DGKB: variants seen among roughly 807,000 people sequenced by gnomAD.
The protein encoded by DGKB is 90 kDa diacylglycerol kinase.
In DGKB, 67 loss-of-function variants were observed where a neutral mutation model predicts 114.3. That is an observed-to-expected ratio of 0.59 (90% CI 0.48 to 0.72). The LOEUF is 0.72. DGKB is among the 30% of genes least tolerant of loss of function. The pLI, the probability that DGKB is intolerant of heterozygous loss-of-function variation, is 0.00. For synonymous variants in DGKB, 398 were observed against 323.1 expected (o/e 1.23, Z -2.49); for missense variants, 907 against 975.2 (o/e 0.93, Z 0.93).
intron 22 of DGKB, among the ~76,000 whole-genome samples, chr7:14,340,762 C>G (rs1366239999): frequency 1.3e-5 from 2 of 151,718 alleles, no homozygotes; most frequent in African/African-American, 4.8e-5. Context: ...GGTCTGGCTT[C>G]CCCCAAACTG....
chr7:14,298,514 T>TAA (rs985789347), intron 23 of DGKB, among the ~76,000 whole-genome samples: 2 of 152,112 alleles, frequency 1.3e-5, no homozygotes, highest in East Asian at 3.9e-4. Context: ...CGCAGAAAAC[T>TAA]GAAACTGGAC....
chr7:14,231,620 A>ATG (rs1196372104), intron 23 of DGKB, among the ~76,000 whole-genome samples: 1 of 151,716 alleles, frequency 6.6e-6, no homozygotes, highest in Non-Finnish European at 1.5e-5. Flanking sequence ...AATTGCACAT[A>ATG]TGTGTGTGTG....
intron 13 of DGKB, among the ~76,000 whole-genome samples, chr7:14,632,401 T>TAC (rs1809895244): frequency 1.3e-5 from 2 of 151,552 alleles, no homozygotes; most frequent in South Asian, 4.1e-4. Context: ...TATATATATA[T>TAC]ACACATACAT....
rs566554701 is a variant in DGKB at position 14,160,136 on chromosome 7, T to G, written c.2305-10898A>C. Among the ~76,000 whole-genome samples the G allele has an allele frequency of 5.9e-5, 9 of 152,238 alleles. No homozygotes were observed. The South Asian group carries it at 1.9e-3, about 32-fold the overall frequency. ...GTCTTTGAGTTTTTCAAAATAATAA[T>G]AGCTATTTATGACAAACCCACAGCC... On this transcript the variant is annotated intron_variant, in intron 25 of 25. Transcript: ENST00000402815.
intron 5 of DGKB, among the ~76,000 whole-genome samples, chr7:14,722,428 A>G (rs1218616387): frequency 6.6e-6 from 1 of 152,030 alleles, no homozygotes; most frequent in African/African-American, 2.4e-5. Context: ...CTGATAGCTC[A>G]TTTCTTTTTA....
At chr7:14,803,485 T>G (rs925240886) in intron 2 of DGKB, among the ~76,000 whole-genome samples, 1 of 152,160 alleles carries the variant, frequency 6.6e-6, no homozygotes, top group Non-Finnish European at 1.5e-5. Context: ...TCACCATTAT[T>G]TTACTTTTAC....
chr7:14,343,775 A>G (rs1222973560), intron 22 of DGKB, among the ~76,000 whole-genome samples: 2 of 150,996 alleles, frequency 1.3e-5, no homozygotes, highest in Non-Finnish European at 3.0e-5. Flanking sequence ...TTTTTTTAAA[A>G]AAATAATGAT....
rs561591890 is a variant in DGKB, at chr7:14,962,075, A to T, written c.-188+12621T>A. On this transcript the variant is annotated intron_variant, in intron 1 of 4. Coordinates refer to the DGKB transcript ENST00000437998. ...CACCAGCCATAAAACCGTTTGTCTA[A>T]AACTTTAAAAAAATTGTAACTTTGA... 2.4e-4 allele frequency among the ~76,000 whole-genome samples: 37 copies of T among 152,284 alleles called. 1 individual carries two copies. The highest frequency in any genetic ancestry group is 2.4e-3 in the Admixed American group (37 of 15,276).
At chr7:14,548,902 G>A (rs1320367301) in intron 20 of DGKB, among the ~76,000 whole-genome samples, 1 of 151,904 alleles carries the variant, frequency 6.6e-6, no homozygotes, top group African/African-American at 2.4e-5. Context: ...CAGTAGTGGG[G>A]ATTTGTGAAA....
intron 19 of DGKB, among the ~76,000 whole-genome samples, chr7:14,577,372 C>A (rs1443276018): frequency 6.6e-6 from 1 of 152,148 alleles, no homozygotes; most frequent in African/African-American, 2.4e-5. Context: ...AATCCCAGCA[C>A]TTTGGGAGGT....
rs772056310 is a variant in DGKB, at chr7:14,583,077, G to A, written c.1494C>T (p.Thr498=). 9.9e-6 allele frequency: 16 copies of A among 1,613,054 alleles called. No individual in the cohort carries two copies. In the South Asian group the frequency reaches 1.1e-4, roughly 11 times the overall value. The part of the protein sequence containing the change: ...FRVLACGGDG[T]VGWVLDCIEK... ...CTATGCAATCCAAAACCCAGCCCAC[G>A]GTTCCATCTCCACCACAGGCTAACA... The change falls in exon 18 of 26, where the codon ACC becomes ACT. Residue 498 remains threonine, a synonymous_variant. Coordinates refer to ENST00000402815, the MANE Select transcript of DGKB (RefSeq NM_001350709.2).
intron 13 of DGKB, among the ~76,000 whole-genome samples, chr7:14,659,897 A>C (rs1307550583): frequency 1.3e-5 from 2 of 151,870 alleles, no homozygotes; most frequent in Non-Finnish European, 2.9e-5. Context: ...ACTATTTTGA[A>C]ATACGTCCCA....
chr7:14,926,191 CA>C (rs1784742367), intron 1 of DGKB, among the ~76,000 whole-genome samples: 1 of 151,926 alleles, frequency 6.6e-6, no homozygotes, highest in Non-Finnish European at 1.5e-5. Context: ...ACATTTCATA[CA>C]TTTTTTTCAC....
chr7:14,889,831 G>C (rs1425439483), intron 1 of DGKB, among the ~76,000 whole-genome samples: 2 of 151,586 alleles, frequency 1.3e-5, no homozygotes, highest in African/African-American at 2.4e-5. Context: ...TGACTTGATA[G>C]AAGTAGACAT....
intron 20 of DGKB, among the ~76,000 whole-genome samples, chr7:14,570,205 A>G (rs1023975631): frequency 6.6e-5 from 10 of 151,556 alleles, no homozygotes; most frequent in African/African-American, 2.4e-4. Context: ...TGCAAAGTCA[A>G]TTTTTCAATA....
intron 5 of DGKB, among the ~76,000 whole-genome samples, chr7:14,723,033 T>A (rs1829458106): frequency 7.5e-6 from 1 of 133,232 alleles, no homozygotes; most frequent in African/African-American, 3.6e-5. Context: ...TCATTTTTTT[T>A]TCTTTTGCCC....
chr7:14,857,878 C>T (rs904806885), intron 1 of DGKB, among the ~76,000 whole-genome samples: 1 of 151,844 alleles, frequency 6.6e-6, no homozygotes, highest in Non-Finnish European at 1.5e-5. Flanking sequence ...TTTTTTCATA[C>T]CACATTCAGT....
intron 21 of DGKB, among the ~76,000 whole-genome samples, chr7:14,446,553 G>T (rs1323090282): frequency 1.3e-5 from 2 of 152,062 alleles, no homozygotes; most frequent in African/African-American, 4.8e-5. Context: ...ACTAAACCTT[G>T]ACTTATGATC....
chr7:14,541,540 C>T (rs1433484737), intron 20 of DGKB, among the ~76,000 whole-genome samples: 1 of 152,146 alleles, frequency 6.6e-6, no homozygotes. Context: ...GTTAATTTCT[C>T]TGTTTATATT....
Sources: gnomAD v4.1 joint callset for allele counts (sites outside exome capture counted in the v4.1 genomes callset) on GRCh38, gnomAD v4.1.1 for gene constraint, MANE v1.5 for transcripts, NCBI Gene and HGNC (gene_info 2026-07-23, HGNC 2026-07-21) for gene names.